Variants in BMP6 observed in about 807,000 individuals in gnomAD.
BMP6 encodes bone morphogenetic protein 6.
A neutral mutation model predicts 54.1 loss-of-function variants in BMP6; 17 were observed. The observed-to-expected ratio is 0.31, with a 90% CI of 0.22 to 0.47. The LOEUF (loss-of-function observed/expected upper bound fraction) is 0.47, where lower values mean the gene tolerates loss of function less well. Among genes scored for constraint, BMP6 ranks in the 20% least tolerant of loss-of-function variants. The probability of loss-of-function intolerance (pLI) is 1.00; values close to 1 mark genes in which losing one functional copy is unlikely to be tolerated. For synonymous variants in BMP6, 328 were observed against 291.2 expected, an observed-to-expected ratio of 1.13 and a Z score of -1.28; for missense variants, 720 against 690.4, an observed-to-expected ratio of 1.04 and a Z score of -0.48.
chr6:7,738,293 G>T (rs753027101), intron 1 of BMP6, among the ~76,000 whole-genome samples: 1 of 152,058 alleles, frequency 6.6e-6, no homozygotes, highest in Non-Finnish European at 1.5e-5. Context: ...AGGCCTCTCT[G>T]CCCCCACACC....
At chr6:7,769,827 C>T (rs1757756451) in intron 1 of BMP6, among the ~76,000 whole-genome samples, 1 of 152,126 alleles carries the variant, frequency 6.6e-6, no homozygotes, top group Non-Finnish European at 1.5e-5. Context: ...TCCAATATTC[C>T]TAACTTGTCT....
At chr6:7,752,070 A>G (rs941564355) in intron 1 of BMP6, among the ~76,000 whole-genome samples, 18 of 152,260 alleles carry the variant, frequency 1.2e-4, no homozygotes, top group East Asian at 1.2e-3. Context: ...ATAATTTTCT[A>G]CCTCCTTAAA....
rs72469855 is a variant in BMP6, at chr6:7,800,079, GGTGTGTGTGTGTGTGTGTGT to G, written c.665-45037_665-45018del. On this transcript the variant is annotated intron_variant, in intron 1 of 6. Transcript: ENST00000283147. Reference sequence around the variant, plus strand: ...TGAGTGTTATTACGATAAAGGAAGGGGTGTGTGTGTGTGTGTGTGTGTGTGTGTGTGTGTGTGTGTGTGAT... The same window carrying G: ...TGAGTGTTATTACGATAAAGGAAGGGGTGTGTGTGTGTGTGTGTGTGTGAT... Among the ~76,000 whole-genome samples, 58 of 145,158 alleles carry G rather than the reference GGTGTGTGTGTGTGTGTGTGT, an allele frequency of 4.0e-4. 1 individual carries two copies. The East Asian group carries it at 7.5e-3, about 19-fold the overall frequency.
intron 4 of BMP6, among the ~76,000 whole-genome samples, chr6:7,865,949 A>G (rs1220784563): frequency 6.6e-6 from 1 of 152,214 alleles, no homozygotes; most frequent in African/African-American, 2.4e-5. Flanking sequence ...ATAAGAGGCT[A>G]TTTTTGGAAT....
intron 4 of BMP6, among the ~76,000 whole-genome samples, chr6:7,877,873 C>T (rs761959209): frequency 3.9e-5 from 6 of 152,164 alleles, no homozygotes; most frequent in East Asian, 1.9e-4. Flanking sequence ...CGTCGTTTCT[C>T]GAACTCTCCA....
intron 2 of BMP6, among the ~76,000 whole-genome samples, chr6:7,852,765 A>G (rs1199193088): frequency 6.6e-6 from 1 of 151,616 alleles, no homozygotes; most frequent in African/African-American, 2.4e-5. Context: ...TGTTTTCTCA[A>G]CTCCTCGTCC....
intron 1 of BMP6, among the ~76,000 whole-genome samples, chr6:7,820,436 G>A (rs11964227): frequency 0.4 from 60,618 of 152,106 alleles, 12,504 homozygotes; most frequent in Middle Eastern, 0.49. Context: ...TCTGGCTCTC[G>A]GGACTTGCTG....
chr6:7,800,907 GGGGGA>G (rs1239899325), intron 1 of BMP6, among the ~76,000 whole-genome samples: 18 of 139,380 alleles, frequency 1.3e-4, no homozygotes, highest in African/African-American at 4.1e-4. Flanking sequence ...AAATAAAGCG[GGGGGA>G]GGGGGGGGCA....
In BMP6 at chr6:7,862,351, T is replaced by G. The variant is rs772681969; in HGVS notation, c.1057T>G (p.Tyr353Asp). The G allele has an allele frequency of 6.2e-7, 1 of 1,614,174 alleles. No individual in the cohort carries two copies. The highest frequency in any genetic ancestry group is 1.3e-5 in the African/African-American group (1 of 75,050). ...AAGLVGRDGP[Y>D]DKQPFMVAFF... ...AGGCCTGGTGGGCAGAGACGGCCCT[T>G]ACGACAAGCAGCCCTTCATGGTGGC... is the stretch of plus-strand genomic sequence containing the variant. Residue 353 changes from tyrosine (Y) to aspartate (D), a missense_variant, in exon 4 of 7, where the codon TAC becomes GAC. By Grantham distance (160) the Tyr-to-Asp change is radical (BLOSUM62 -3). Transcript: ENST00000283147.
chr6:7,773,962 A>AG (rs941303093), intron 1 of BMP6, among the ~76,000 whole-genome samples: 2 of 152,210 alleles, frequency 1.3e-5, no homozygotes, highest in African/African-American at 4.8e-5. Flanking sequence ...TGAAAGGGCC[A>AG]GGAGCCCTGA....
chr6:7,845,279 A>G lies in BMP6; in HGVS notation c.804A>G (p.Lys268=). 6.2e-7 allele frequency: 1 copy of G among 1,614,182 alleles called. No individual in the cohort carries two copies. The highest frequency in any genetic ancestry group is 8.5e-7 in the Non-Finnish European group (1 of 1,180,012). ...IYKDCVMGSF[K]NQTFLISIYQ... is the part of the protein sequence containing the mutation. ...AGGACTGTGTTATGGGGAGTTTTAA[A>G]AACCAAACTTTTCTTATCAGCATTT... Residue 268 remains lysine (K), a synonymous_variant, in exon 2 of 7, where the codon AAA becomes AAG. Transcript: ENST00000283147.
intron 1 of BMP6, among the ~76,000 whole-genome samples, chr6:7,762,782 A>T (rs1194458629): frequency 6.6e-6 from 1 of 152,196 alleles, no homozygotes; most frequent in Non-Finnish European, 1.5e-5. Flanking sequence ...TCTTATCAAC[A>T]TATTGATTTT....
chr6:7,845,853 C>A (rs1759054113), intron 2 of BMP6, among the ~76,000 whole-genome samples: 4 of 151,878 alleles, frequency 2.6e-5, no homozygotes, highest in Non-Finnish European at 1.5e-5. Context: ...GTCTGTATTA[C>A]TCTCGTTTCC....
At chr6:7,869,173 G>A (rs1055521704) in intron 4 of BMP6, among the ~76,000 whole-genome samples, 3 of 152,180 alleles carry the variant, frequency 2.0e-5, no homozygotes, top group African/African-American at 4.8e-5. Context: ...CAGCCTCCCC[G>A]CACAATGCCT....
chr6:7,727,482 C>A lies in BMP6; in HGVS notation c.527C>A (p.Pro176Gln), dbSNP rs745910275. 2 of 1,593,416 alleles carry A rather than the reference C, an allele frequency of 1.3e-6. No individual in the cohort carries two copies. The highest frequency in any genetic ancestry group is 1.7e-6 in the Non-Finnish European group (2 of 1,174,992). The change falls in exon 1 of 7, where the codon CCG (proline) becomes CAG (glutamine). Residue 176 changes from proline (P) to glutamine (Q), a missense_variant. This residue lies in a region of BMP6 where 650 missense variants were observed against 556.3 expected (regional missense o/e 1.17). Coordinates refer to ENST00000283147, the MANE Select transcript of BMP6 (RefSeq NM_001718.6). Reference protein sequence around the residue: ...ASSSQRRQPPPGAAHPLNRKS... With the variant: ...ASSSQRRQPPQGAAHPLNRKS... Reference sequence around the variant, plus strand: ...TCGTCCCAGCGTCGGCAGCCGCCCCCGGGCGCCGCGCACCCGCTCAACCGC... The same window carrying A: ...TCGTCCCAGCGTCGGCAGCCGCCCCAGGGCGCCGCGCACCCGCTCAACCGC...
chr6:7,726,427 C>T lies in BMP6; in HGVS notation c.-529C>T, dbSNP rs1761723988. Among the ~76,000 whole-genome samples the T allele has an allele frequency of 6.6e-6, 1 of 152,198 alleles. No homozygotes were observed. The highest frequency in any genetic ancestry group is 2.4e-5 in the African/African-American group (1 of 41,456). On this transcript the variant is annotated 5_prime_UTR_variant, in exon 1 of 7. Transcript: ENST00000283147. ...GACGCCTTGTCGCCGCAGCCTGGGCCCTGCAACGGGGTAAACTTCATGGTG... is the reference window on the plus strand; with the variant it reads ...GACGCCTTGTCGCCGCAGCCTGGGCTCTGCAACGGGGTAAACTTCATGGTG...
chr6:7,850,159 T>C (rs1436141575), intron 2 of BMP6, among the ~76,000 whole-genome samples: 2 of 152,190 alleles, frequency 1.3e-5, no homozygotes, highest in African/African-American at 4.8e-5. Flanking sequence ...TTGTTCGTTT[T>C]TGAGGCAGAG....
intron 2 of BMP6, among the ~76,000 whole-genome samples, chr6:7,860,229 A>T (rs1221359710): frequency 6.6e-6 from 1 of 152,240 alleles, no homozygotes; most frequent in Non-Finnish European, 1.5e-5. Context: ...GGACCAAACA[A>T]AGAGAAGTAG....
chr6:7,753,420 CA>C (rs1170993857), intron 1 of BMP6, among the ~76,000 whole-genome samples: 3 of 152,210 alleles, frequency 2.0e-5, no homozygotes, highest in African/African-American at 4.8e-5. Flanking sequence ...GTCAGAAATG[CA>C]GCATCCCAGG....
Sources: gnomAD v4.1 joint callset for allele counts (sites outside exome capture counted in the v4.1 genomes callset) on GRCh38, gnomAD v4.1.1 for gene constraint, gnomAD v4.1.1 regional missense constraint, MANE v1.5 for transcripts, NCBI Gene and HGNC (gene_info 2026-07-23, HGNC 2026-07-21) for gene names.